ST6GAL1: variants seen among roughly 807,000 people sequenced by gnomAD.
The protein encoded by ST6GAL1 is ST6 beta-galactoside alpha-2,6-sialyltransferase 1.
ST6GAL1 carries 20 observed loss-of-function variants against 38.0 expected under a neutral mutation model. The observed-to-expected ratio is 0.53, with a 90% confidence interval of 0.37 to 0.77. The LOEUF is 0.77. Among genes scored for constraint, ST6GAL1 ranks in the 30% least tolerant of loss-of-function variants. ST6GAL1 has a pLI of 0.00. For missense variants in ST6GAL1, 432 were observed against 496.4 expected (o/e 0.87, Z 1.23); for synonymous variants, 196 against 188.2 (o/e 1.04, Z -0.34).
intron 2 of ST6GAL1, among the ~76,000 whole-genome samples, chr3:186,984,561 G>A (rs545355350): frequency 4.0e-5 from 6 of 151,846 alleles, no homozygotes; most frequent in South Asian, 2.1e-4. Context: ...GAGCCTTGCC[G>A]CAAACACGCT....
chr3:187,002,871 A>G (rs1443404910), intron 2 of ST6GAL1, among the ~76,000 whole-genome samples: 2 of 152,252 alleles, frequency 1.3e-5, no homozygotes, highest in Non-Finnish European at 2.9e-5. Flanking sequence ...TATACTATTT[A>G]CGGTAGCAAA....
chr3:186,995,505 C>CAAAAAAAAA (rs200317857), intron 2 of ST6GAL1, among the ~76,000 whole-genome samples: 7 of 26,626 alleles, frequency 2.6e-4, no homozygotes, highest in Non-Finnish European at 4.4e-4. Flanking sequence ...GACACCATCT[C>CAAAAAAAAA]AAAAAAAAAA....
intron 1 of ST6GAL1, among the ~76,000 whole-genome samples, chr3:186,931,896 C>T (rs1482949141): frequency 6.6e-6 from 1 of 152,246 alleles, no homozygotes; most frequent in Non-Finnish European, 1.5e-5. Flanking sequence ...AAAAAGAGAA[C>T]TCTTGTTTGT....
At chr3:186,939,971 C>T (rs1714107824) in intron 1 of ST6GAL1, among the ~76,000 whole-genome samples, 1 of 152,186 alleles carries the variant, frequency 6.6e-6, no homozygotes, top group Non-Finnish European at 1.5e-5. Context: ...TTCTTGGTCT[C>T]CTCTAACTTG....
At chr3:187,063,552 G>A (rs1367307068) in intron 5 of ST6GAL1, among the ~76,000 whole-genome samples, 5 of 152,212 alleles carry the variant, frequency 3.3e-5, no homozygotes, top group Admixed American at 1.3e-4. Flanking sequence ...TTGATACATG[G>A]ATGGTAGGAT....
At chr3:186,949,801 G>T (rs6776694) in intron 1 of ST6GAL1, among the ~76,000 whole-genome samples, 5,130 of 152,314 alleles carry the variant, frequency 0.034, 279 homozygotes, top group African/African-American at 0.12. Flanking sequence ...TGGCAGCTTG[G>T]CCTCTCTGGT....
chr3:187,051,567 A>T (rs1718516716), intron 5 of ST6GAL1: 1 of 481,738 alleles, frequency 2.1e-6, no homozygotes, highest in Admixed American at 3.3e-5. Context: ...CTGCTAATGG[A>T]GGTGTCTGGT....
At chr3:187,010,551 T>A (rs2108558330) in intron 2 of ST6GAL1, among the ~76,000 whole-genome samples, 1 of 77,830 alleles carries the variant, frequency 1.3e-5, no homozygotes, top group Admixed American at 1.6e-4. Context: ...AACCCTGTTT[T>A]TAGACTCTCC....
In ST6GAL1 at chr3:187,072,832, T is replaced by C; in HGVS notation, c.706-17T>C. The C allele has an allele frequency of 1.2e-6, 2 of 1,607,084 alleles. No homozygotes were observed. The highest frequency in any genetic ancestry group is 1.7e-6 in the Non-Finnish European group (2 of 1,173,730). On this transcript the variant is annotated splice_polypyrimidine_tract_variant and intron_variant, in intron 5 of 7. Coordinates refer to ENST00000169298, the MANE Select transcript of ST6GAL1 (RefSeq NM_173216.2). ...ATATGAATGTTCAAGCGACAGCTTA[T>C]CTCTTTCTTCCTGCAGTTGGTTACC...
At chr3:186,984,937 C>G (rs776411773) in intron 2 of ST6GAL1, among the ~76,000 whole-genome samples, 4 of 151,142 alleles carry the variant, frequency 2.6e-5, no homozygotes, top group Non-Finnish European at 2.9e-5. Context: ...GAGATAGGGT[C>G]TCGCTCTGTC....
intron 2 of ST6GAL1, among the ~76,000 whole-genome samples, chr3:186,993,657 T>C (rs1560154762): frequency 6.6e-6 from 1 of 151,880 alleles, no homozygotes. Flanking sequence ...TTAAAGCCCT[T>C]CTTTCCAACC....
intron 2 of ST6GAL1, among the ~76,000 whole-genome samples, chr3:187,014,829 G>A (rs565420916): frequency 1.3e-5 from 2 of 152,274 alleles, no homozygotes; most frequent in African/African-American, 4.8e-5. Context: ...ATTGTTGCCA[G>A]GATCTCATTT....
chr3:186,930,939 G>C (rs1284076000), intron 1 of ST6GAL1, 105 bp downstream of exon 1: 1 of 153,052 alleles, frequency 6.5e-6, no homozygotes, highest in East Asian at 1.9e-4. Context: ...CCCGCGGCGC[G>C]CGTAGGGCGC....
intron 2 of ST6GAL1, among the ~76,000 whole-genome samples, chr3:187,003,841 A>AT (rs958601023): frequency 3.3e-5 from 5 of 151,576 alleles, no homozygotes; most frequent in African/African-American, 4.9e-5. Context: ...TTGCCAAAAC[A>AT]TTTTTTTTTC....
intron 2 of ST6GAL1, among the ~76,000 whole-genome samples, chr3:187,026,148 C>T (rs147352883): frequency 2.0e-5 from 3 of 152,328 alleles, no homozygotes; most frequent in Non-Finnish European, 2.9e-5. Context: ...AGCTACAAGT[C>T]GGTTTCTTGT....
At chr3:186,947,951 C>T (rs1406783876) in intron 1 of ST6GAL1, among the ~76,000 whole-genome samples, 1 of 152,222 alleles carries the variant, frequency 6.6e-6, no homozygotes, top group Non-Finnish European at 1.5e-5. Flanking sequence ...AGGGTTGACA[C>T]AAACAACCTG....
Position 186,967,735 on chromosome 3 carries a change from G to A in ST6GAL1, c.-183+3809G>A, listed in dbSNP as rs78826683. Among the ~76,000 whole-genome samples the A allele has an allele frequency of 1.4e-3, 208 of 152,314 alleles. 2 individuals carry two copies. The East Asian group carries it at 0.03, about 22-fold the overall frequency. ...AAAGAGCTCCTTGGAAGGCTTGATC[G>A]TTAGCCATCACGTCTTTCACTTAAG... On this transcript the variant is annotated intron_variant, in intron 2 of 7. Transcript: ENST00000169298.
intron 5 of ST6GAL1, among the ~76,000 whole-genome samples, chr3:187,063,649 ACT>A (rs1260029494): frequency 6.6e-6 from 1 of 152,136 alleles, no homozygotes; most frequent in Non-Finnish European, 1.5e-5. Context: ...GAGGCTACCT[ACT>A]CTCTGAGCAC....
At chr3:186,938,452 C>T (rs1170211248) in intron 1 of ST6GAL1, among the ~76,000 whole-genome samples, 1 of 152,108 alleles carries the variant, frequency 6.6e-6, no homozygotes, top group Non-Finnish European at 1.5e-5. Context: ...GTGAAAGGCT[C>T]AGTACAGTGC....
Sources: allele counts gnomAD v4.1 joint callset (sites outside exome capture counted in the v4.1 genomes callset), GRCh38; gene constraint gnomAD v4.1.1; transcripts MANE v1.5; gene names NCBI Gene and HGNC (gene_info 2026-07-23, HGNC 2026-07-21).